Variants in SEC24A observed in about 807,000 individuals in gnomAD.
The protein encoded by SEC24A is protein transport protein Sec24A.
In SEC24A, 93 loss-of-function variants were observed where a neutral mutation model predicts 129.4. That is an observed-to-expected ratio of 0.72 (90% confidence interval 0.61 to 0.85). The LOEUF (loss-of-function observed/expected upper bound fraction) is 0.85, where lower values mean the gene tolerates loss of function less well. Among genes scored for constraint, SEC24A ranks in the 40% least tolerant of loss-of-function variants. SEC24A has a pLI of 0.00. For missense variants in SEC24A, 1,264 were observed against 1,307.4 expected (o/e 0.97, Z 0.51); for synonymous variants, 460 against 467.3 (o/e 0.98, Z 0.20).
At chr5:134,692,797 G>A in intron 12 of SEC24A, 140 bp downstream of exon 12, 1 of 720,756 alleles carries the variant, frequency 1.4e-6, no homozygotes, top group South Asian at 1.6e-5. Flanking sequence ...CTTATAATTA[G>A]ATGAACAGCT....
intron 9 of SEC24A, among the ~76,000 whole-genome samples, chr5:134,685,410 C>T (rs1330020996): frequency 1.3e-5 from 2 of 151,318 alleles, no homozygotes; most frequent in Non-Finnish European, 2.9e-5. Flanking sequence ...TACAGTATAG[C>T]AACTATTTAC....
intron 10 of SEC24A, among the ~76,000 whole-genome samples, chr5:134,687,699 G>C (rs1244553502): frequency 6.6e-6 from 1 of 152,200 alleles, no homozygotes; most frequent in East Asian, 1.9e-4. Context: ...ACTCACCCAT[G>C]CATGAACAAG....
intron 6 of SEC24A, 63 bp downstream of exon 6, chr5:134,675,280 C>G (rs1381362779): frequency 8.0e-7 from 1 of 1,248,344 alleles, no homozygotes; most frequent in Non-Finnish European, 1.1e-6. Context: ...GCAGGGGGCA[C>G]ATCAGGTGTT....
rs1315116653 is a variant in SEC24A, at chr5:134,698,006, C to T, written c.2215C>T (p.Leu739Phe). ...QKLQKELQRY[L>F]TRKIGFEAVM... Reference sequence around the variant, plus strand: ...ATTACAGAAGGAACTACAGAGATACCTTACTCGGAAGATTGGCTTTGAGGC... The same window carrying T: ...ATTACAGAAGGAACTACAGAGATACTTTACTCGGAAGATTGGCTTTGAGGC... Residue 739 changes from leucine to phenylalanine, a missense_variant, in exon 15 of 23, where the codon CTT becomes TTT. Transcript: ENST00000398844. 6.2e-7 allele frequency: 1 copy of T among 1,613,894 alleles called. No homozygotes were observed. The highest frequency in any genetic ancestry group is 1.3e-5 in the African/African-American group (1 of 74,996).
chr5:134,667,673 A>C (rs185507116), intron 3 of SEC24A, among the ~76,000 whole-genome samples: 99 of 151,644 alleles, frequency 6.5e-4, no homozygotes, highest in East Asian at 1.7e-3. Flanking sequence ...AAAAAACAAA[A>C]AAAAAAAAAC....
intron 1 of SEC24A, among the ~76,000 whole-genome samples, chr5:134,654,366 C>T (rs1048706485): frequency 6.6e-6 from 1 of 151,588 alleles, no homozygotes; most frequent in Non-Finnish European, 1.5e-5. Flanking sequence ...GGACTACAGG[C>T]GTGCACCACC....
intron 9 of SEC24A, among the ~76,000 whole-genome samples, chr5:134,684,804 AC>A (rs1196525064): frequency 6.6e-6 from 1 of 152,154 alleles, no homozygotes; most frequent in African/African-American, 2.4e-5. Flanking sequence ...TTGGATTAAA[AC>A]AAAAAAAACC....
intron 21 of SEC24A, among the ~76,000 whole-genome samples, chr5:134,722,658 A>C (rs1170939503): frequency 6.6e-6 from 1 of 152,168 alleles, no homozygotes; most frequent in East Asian, 1.9e-4. Flanking sequence ...GCAAGCCTAA[A>C]GTACTTACTA....
rs767155082 is a variant in SEC24A at position 134,649,097 on chromosome 5, G to T, written c.21G>T (p.Pro7=). MSQPGI[P]ASGGAPASLQ... Reference sequence around the variant, plus strand: ...TCATCATGTCCCAGCCGGGAATACCGGCCTCCGGCGGCGCCCCAGCCAGCC... The same window carrying T: ...TCATCATGTCCCAGCCGGGAATACCTGCCTCCGGCGGCGCCCCAGCCAGCC... Residue 7 remains proline, a synonymous_variant, in exon 1 of 23, where the codon CCG becomes CCT. Transcript: ENST00000398844. 1 of 1,609,134 alleles carries T rather than the reference G, an allele frequency of 6.2e-7. No individual in the cohort carries two copies. Among genetic ancestry groups the T allele is most frequent in the African/African-American group, 1.3e-5 (1 of 74,822 alleles).
chr5:134,701,904 AATAC>A (rs1216057498), intron 15 of SEC24A, among the ~76,000 whole-genome samples: 1 of 152,196 alleles, frequency 6.6e-6, no homozygotes, highest in African/African-American at 2.4e-5. Flanking sequence ...CTACAGATCA[AATAC>A]ATACTCTAGA....
At chr5:134,685,214 T>A (rs1751409581) in intron 9 of SEC24A, among the ~76,000 whole-genome samples, 2 of 151,712 alleles carry the variant, frequency 1.3e-5, no homozygotes, top group South Asian at 2.1e-4. Context: ...CTGCAAAAAA[T>A]TTCAGGAATT....
At chr5:134,689,713 G>A (rs1001441149) in intron 11 of SEC24A, among the ~76,000 whole-genome samples, 4 of 151,234 alleles carry the variant, frequency 2.6e-5, no homozygotes, top group African/African-American at 9.7e-5. Context: ...GCAGCAAGCC[G>A]AGATCGTGCC....
chr5:134,726,855 A>G lies in SEC24A; in HGVS notation c.*1761A>G, dbSNP rs538222253. On this transcript the variant is annotated 3_prime_UTR_variant, in exon 23 of 23. Transcript: ENST00000398844. ...AGTAAAGAATCTTCTAGAGGGAAAC[A>G]TTTGTGCTTTTAGGGATAATCTTCC... 8 of 152,138 alleles carry G rather than the reference A, an allele frequency of 5.3e-5. No homozygotes were observed. Among genetic ancestry groups the G allele is most frequent in the Admixed American group, 2.0e-4 (3 of 15,274 alleles). 9.4% of individuals were successfully genotyped at this position (152,138 alleles called of 1,614,324 possible).
At position 134,675,250 on chromosome 5, in the gene SEC24A, G is replaced by A. The variant is rs199950296; in HGVS notation, c.1151+33G>A. ...TTCAGATGTGACATTATGCATGTCC[G>A]AAAAGTTTTCTAGCTTTTTGCAGGG... is the stretch of plus-strand genomic sequence containing the variant. On this transcript the variant is annotated intron_variant, in intron 6 of 22. Transcript: ENST00000398844. 3.1e-5 allele frequency: 48 copies of A among 1,548,550 alleles called. No individual in the cohort carries two copies. In the Middle Eastern group the frequency reaches 6.9e-4, roughly 22 times the overall value.
rs1185791802 is a variant in SEC24A at position 134,674,754 on chromosome 5, T to A, written c.957T>A (p.Ser319Arg). 1 of 1,613,712 alleles carries A rather than the reference T, an allele frequency of 6.2e-7. No individual in the cohort carries two copies. The highest frequency in any genetic ancestry group is 1.7e-5 in the Admixed American group (1 of 59,950). The change falls in exon 5 of 23, where the codon AGT becomes AGA. Residue 319 changes from serine (S) to arginine (R), a missense_variant. Transcript: ENST00000398844. ...CACCCTCTTCCTTGAATTACCCAAG[T>A]GGGCCACAAGCCTTTACTCAGGTAA... ...GVPPSSLNYP[S>R]GPQAFTQTPL... is the part of the protein sequence containing the mutation.
chr5:134,693,422 G>A (rs772790323), intron 12 of SEC24A: 58 of 1,354,674 alleles, frequency 4.3e-5, no homozygotes, highest in Non-Finnish European at 5.3e-5. Context: ...CATATTTCAT[G>A]GCATTAAAAT....
chr5:134,649,284 T>C, intron 1 of SEC24A, 111 bp downstream of exon 1: 3 of 734,038 alleles, frequency 4.1e-6, no homozygotes, highest in Non-Finnish European at 6.3e-6. Context: ...TACCGGGTTC[T>C]GGCGCGGATG....
chr5:134,706,107 G>A (rs537667145), intron 17 of SEC24A, among the ~76,000 whole-genome samples: 43 of 152,198 alleles, frequency 2.8e-4, no homozygotes, highest in Admixed American at 2.7e-3. Flanking sequence ...GGCTGGTCTT[G>A]AACTCCCGAC....
At chr5:134,659,262 T>C (rs556270928) in intron 1 of SEC24A, among the ~76,000 whole-genome samples, 111 of 151,866 alleles carry the variant, frequency 7.3e-4, no homozygotes, top group East Asian at 1.4e-3. Flanking sequence ...TTAGTAGAGA[T>C]GGGGTTTCAC....
Sources: allele counts gnomAD v4.1 joint callset (sites outside exome capture counted in the v4.1 genomes callset), GRCh38; gene constraint gnomAD v4.1.1; transcripts MANE v1.5; gene names NCBI Gene and HGNC (gene_info 2026-07-23, HGNC 2026-07-21).